Variants in SCN1A observed in about 807,000 individuals in gnomAD.
SCN1A encodes sodium channel protein type 1 subunit alpha.
SCN1A carries 13 observed loss-of-function variants against 193.7 expected under a neutral mutation model. The ratio of observed to expected loss-of-function variants is 0.07; its 90% confidence interval spans 0.04 to 0.11. The LOEUF (loss-of-function observed/expected upper bound fraction) is 0.11. Ranked by LOEUF, SCN1A falls within the 10% of genes least tolerant of loss-of-function variation. The pLI is 1.00. For missense variants in SCN1A, 1,432 were observed against 2,451.1 expected (o/e 0.58, Z 8.78); for synonymous variants, 781 against 843.6 (o/e 0.93, Z 1.29).
At chr2:166,003,473 G>C (rs1559130041) in intron 23 of SCN1A, among the ~76,000 whole-genome samples, 1 of 150,516 alleles carries the variant, frequency 6.6e-6, no homozygotes, top group Non-Finnish European at 1.5e-5. Flanking sequence ...GCCATACATA[G>C]TTCTCAAATC....
chr2:166,042,327 A>C lies in SCN1A; in HGVS notation c.2141T>G (p.Met714Arg). Residue 714 changes from methionine (M) to arginine (R), a missense_variant, in exon 15 of 29, where the codon ATG (methionine) becomes AGG (arginine). By Grantham distance (91) the Met-to-Arg change is moderately conservative. Coordinates refer to ENST00000674923, the MANE Select transcript of SCN1A (RefSeq NM_001165963.4). ...ATTTGTTAGAATGCTGGCTATACTC[A>C]TTGCTCGTTGCCTTTGGGAAGGATC... ...LEDPSQRQRA[M>R]SIASILTNTV... 1 of 1,613,928 alleles carries C rather than the reference A, an allele frequency of 6.2e-7. No homozygotes were observed. Among genetic ancestry groups the C allele is most frequent in the East Asian group, 2.2e-5 (1 of 44,830 alleles).
At chr2:166,094,685 A>G (rs1005521432) in intron 2 of SCN1A, among the ~76,000 whole-genome samples, 6 of 152,230 alleles carry the variant, frequency 3.9e-5, no homozygotes, top group Admixed American at 3.9e-4. Context: ...CTACGCATGG[A>G]GTAGAATAGA....
intron 23 of SCN1A, among the ~76,000 whole-genome samples, chr2:166,006,781 A>G (rs1244272082): frequency 3.3e-5 from 5 of 151,392 alleles, no homozygotes; most frequent in Non-Finnish European, 5.9e-5. Flanking sequence ...ATACATATCA[A>G]TAATCAACTG....
chr2:166,047,506 T>C, intron 11 of SCN1A, 121 bp downstream of exon 11: 1 of 1,100,266 alleles, frequency 9.1e-7, no homozygotes, highest in South Asian at 1.3e-5. Flanking sequence ...ATAGAGGAAC[T>C]CAAGTCTCGT....
chr2:166,009,635 C>A (rs1692137371), intron 23 of SCN1A, 84 bp downstream of exon 23: 1 of 1,351,788 alleles, frequency 7.4e-7, no homozygotes, highest in Non-Finnish European at 1.0e-6. Context: ...ATTCCTTTTG[C>A]ATGCATAGAT....
chr2:166,028,765 G>A (rs542422161), intron 19 of SCN1A, among the ~76,000 whole-genome samples: 1 of 152,228 alleles, frequency 6.6e-6, no homozygotes, highest in Non-Finnish European at 1.5e-5. Context: ...AATGTGCCAG[G>A]CATCAAAACT....
At chr2:166,143,603 G>A (rs1249268301) in intron 1 of SCN1A, among the ~76,000 whole-genome samples, 5 of 152,250 alleles carry the variant, frequency 3.3e-5, no homozygotes, top group South Asian at 4.1e-4. Context: ...CCAAAATGGC[G>A]CTATTAAATC....
At chr2:166,053,103 GC>G in intron 7 of SCN1A, 160 bp from the exon 8 acceptor site, 12 of 1,320,046 alleles carry the variant, frequency 9.1e-6, no homozygotes, top group Non-Finnish European at 1.3e-5. Context: ...CTGAAAAATT[GC>G]CTAGGTTTAC....
At chr2:166,000,864 A>G (rs1464531532) in intron 24 of SCN1A, among the ~76,000 whole-genome samples, 3 of 151,602 alleles carry the variant, frequency 2.0e-5, no homozygotes, top group African/African-American at 4.8e-5. Context: ...GTGATTCTAT[A>G]AAAGCCAAAT....
chr2:166,134,022 A>G (rs963759716), intron 1 of SCN1A: 1 of 152,202 alleles, frequency 6.6e-6, no homozygotes, highest in Admixed American at 6.5e-5. Context: ...AGTATTGATG[A>G]ATAAAAATTC....
At chr2:166,032,285 A>G (rs1695748536) in intron 19 of SCN1A, among the ~76,000 whole-genome samples, 1 of 90,192 alleles carries the variant, frequency 1.1e-5, no homozygotes. Flanking sequence ...ATACTCCTTT[A>G]TCTAGTCTCC....
chr2:166,044,395 A>C (rs937922541), intron 13 of SCN1A, among the ~76,000 whole-genome samples: 5 of 152,216 alleles, frequency 3.3e-5, no homozygotes, highest in Non-Finnish European at 5.9e-5. Flanking sequence ...CATTCAGTGA[A>C]CACTGGCACC....
At chr2:166,066,989 T>C (rs1683911786) in intron 4 of SCN1A, among the ~76,000 whole-genome samples, 1 of 152,172 alleles carries the variant, frequency 6.6e-6, no homozygotes, top group Non-Finnish European at 1.5e-5. Context: ...AGCTTGATTA[T>C]ATGTCTTATT....
intron 4 of SCN1A, among the ~76,000 whole-genome samples, chr2:166,072,837 C>CT (rs796420549): frequency 0.022 from 2,657 of 119,406 alleles, 51 homozygotes; most frequent in Middle Eastern, 0.068. Flanking sequence ...TCTCTTCTTT[C>CT]TTTTTTTTTT....
intron 6 of SCN1A, among the ~76,000 whole-genome samples, chr2:166,055,402 G>A (rs922224): frequency 0.48 from 73,509 of 151,634 alleles, 18,464 homozygotes; most frequent in East Asian, 0.56. Context: ...AAACTAGGGC[G>A]ACTGAAAACC....
chr2:166,014,032 A>G lies in SCN1A; in HGVS notation c.3551-134T>C. 9 of 1,030,860 alleles carry G rather than the reference A, an allele frequency of 8.7e-6. No homozygotes were observed. In the South Asian group the frequency reaches 1.2e-4, roughly 14 times the overall value. 63.9% of individuals were successfully genotyped at this position (1,030,860 alleles called of 1,614,324 possible). The stretch of plus-strand genomic sequence containing the variant: ...TAGCATAGCTCTCTAAGCCTAGAGT[A>G]GTAAGAGCACATTCATCAGCTGTGT... On this transcript the variant is annotated intron_variant, in intron 20 of 28. Coordinates refer to ENST00000674923, the MANE Select transcript of SCN1A (RefSeq NM_001165963.4).
intron 2 of SCN1A, among the ~76,000 whole-genome samples, chr2:166,109,754 T>C (rs1328399555): frequency 6.6e-6 from 1 of 152,174 alleles, no homozygotes; most frequent in Non-Finnish European, 1.5e-5. Flanking sequence ...TTACGTCTGC[T>C]CTGACTGCTC....
At chr2:166,142,677 A>T (rs902121640) in intron 1 of SCN1A, among the ~76,000 whole-genome samples, 5 of 152,206 alleles carry the variant, frequency 3.3e-5, no homozygotes, top group African/African-American at 4.8e-5. Flanking sequence ...CAGAACACTG[A>T]CAACTTTTAG....
chr2:166,123,223 C>CAAAAAAAAAAAAAAAAAA (rs57488795), intron 2 of SCN1A, among the ~76,000 whole-genome samples: 6 of 116,416 alleles, frequency 5.2e-5, no homozygotes, highest in Admixed American at 9.6e-5. Flanking sequence ...CATTCATTTG[C>CAAAAAAAAAAAAAAAAAA]AAAAAAAAAA....
Sources: gnomAD v4.1 joint callset for allele counts (sites outside exome capture counted in the v4.1 genomes callset) on GRCh38, gnomAD v4.1.1 for gene constraint, MANE v1.5 for transcripts, NCBI Gene and HGNC (gene_info 2026-07-23, HGNC 2026-07-21) for gene names.